The following MYO18B variants were observed in gnomAD, a reference collection of about 807,000 sequenced individuals.
The protein encoded by MYO18B is myosin XVIIIB, also known as unconventional myosin-XVIIIb.
In MYO18B, 204 loss-of-function variants were observed where a neutral mutation model predicts 273.0. That is an observed-to-expected ratio of 0.75 (90% CI 0.67 to 0.84). The LOEUF (loss-of-function observed/expected upper bound fraction) is 0.84. MYO18B is among the 40% of genes least tolerant of loss of function. The pLI, the probability that MYO18B is intolerant of heterozygous loss-of-function variation, is 0.00. For synonymous variants in MYO18B, 1,330 were observed against 1,305.7 expected, an observed-to-expected ratio of 1.02 and a Z score of -0.40; for missense variants, 3,212 against 3,287.6, an observed-to-expected ratio of 0.98 and a Z score of 0.56.
At chr22:26,045,115 A>T in the MYO18B span, among the ~76,000 whole-genome samples, 1 of 151,498 alleles carries the variant, frequency 6.6e-6, no homozygotes, top group Non-Finnish European at 1.5e-5. Context: ...TACACAGTAT[A>T]CCAGTTTTAA....
At chr22:26,054,564 G>A in the MYO18B span, among the ~76,000 whole-genome samples, 1 of 152,244 alleles carries the variant, frequency 6.6e-6, no homozygotes, top group Non-Finnish European at 1.5e-5. Flanking sequence ...AGCATGGGAT[G>A]AGGTGGAGTT....
At chr22:25,779,354 TTAAC>T (rs1483383082) in intron 8 of MYO18B, among the ~76,000 whole-genome samples, 1 of 152,234 alleles carries the variant, frequency 6.6e-6, no homozygotes, top group Non-Finnish European at 1.5e-5. Flanking sequence ...TATTAATGAA[TTAAC>T]TAGTTAATTA....
chr22:25,904,672 G>T (rs1456750061), intron 31 of MYO18B, among the ~76,000 whole-genome samples: 4 of 152,054 alleles, frequency 2.6e-5, no homozygotes, highest in African/African-American at 9.7e-5. Flanking sequence ...TTATTTGTCT[G>T]CTTGCTTATT....
chr22:25,917,509 C>T (rs2092278145), intron 33 of MYO18B, among the ~76,000 whole-genome samples: 2 of 147,166 alleles, frequency 1.4e-5, no homozygotes, highest in Admixed American at 1.3e-4. Flanking sequence ...AGTTTACCTG[C>T]AAGACTTTTT....
intron 1 of MYO18B, among the ~76,000 whole-genome samples, chr22:25,749,170 G>A (rs1190423031): frequency 5.3e-5 from 8 of 152,186 alleles, no homozygotes. Flanking sequence ...CCTACTGACT[G>A]TATCAGTCAA....
At position 25,794,141 on chromosome 22, in the gene MYO18B, C is replaced by G. The variant is rs987803938; in HGVS notation, c.2377-3812C>G. Among the ~76,000 whole-genome samples the G allele has an allele frequency of 2.6e-5, 4 of 151,900 alleles. No homozygotes were observed. In the South Asian group the frequency reaches 8.3e-4, roughly 32 times the overall value. On this transcript the variant is annotated intron_variant, in intron 11 of 43. Transcript: ENST00000335473. ...GTAGAGACGGGGTTTCACTGGTTAA[C>G]CAGGATGGTCTCGATCTCCTGACCT... is the stretch of plus-strand genomic sequence containing the variant.
At chr22:25,823,147 G>A (rs2089347119) in intron 12 of MYO18B, among the ~76,000 whole-genome samples, 1 of 152,138 alleles carries the variant, frequency 6.6e-6, no homozygotes, top group Non-Finnish European at 1.5e-5. Flanking sequence ...GGCTTGCAGG[G>A]GATAGTGCAT....
intron 22 of MYO18B, among the ~76,000 whole-genome samples, chr22:25,873,543 C>T (rs1419008558): frequency 1.3e-5 from 2 of 152,200 alleles, no homozygotes; most frequent in Non-Finnish European, 2.9e-5. Context: ...CGGGTTCAAG[C>T]GATTCTCCTG....
chr22:25,856,976 C>T (rs1412256466), intron 21 of MYO18B, among the ~76,000 whole-genome samples: 1 of 152,096 alleles, frequency 6.6e-6, no homozygotes, highest in East Asian at 1.9e-4. Context: ...GCAGTGTCCT[C>T]TTGCTGACCT....
chr22:25,957,912 C>CTT (rs1330432024), intron 39 of MYO18B, among the ~76,000 whole-genome samples: 36 of 128,894 alleles, frequency 2.8e-4, no homozygotes, highest in Admixed American at 9.2e-4. Flanking sequence ...AACGCTTTTG[C>CTT]TTTTTTTTTT....
At chr22:25,940,403 A>G (rs1226861172) in intron 34 of MYO18B, among the ~76,000 whole-genome samples, 5 of 152,182 alleles carry the variant, frequency 3.3e-5, no homozygotes, top group Non-Finnish European at 7.3e-5. Flanking sequence ...CTCCCCAGTC[A>G]TGTGGAACTG....
chr22:25,959,877 C>A (rs529873295), intron 39 of MYO18B, among the ~76,000 whole-genome samples: 2 of 152,248 alleles, frequency 1.3e-5, no homozygotes, highest in South Asian at 2.1e-4. Flanking sequence ...CCTTTCAACC[C>A]AACCTTGCTG....
chr22:25,929,051 A>G (rs2092460800), intron 34 of MYO18B, among the ~76,000 whole-genome samples: 1 of 151,524 alleles, frequency 6.6e-6, no homozygotes, highest in South Asian at 2.1e-4. Flanking sequence ...AATCCCAGCT[A>G]CTCAGGAGGC....
At chr22:25,942,677 C>A (rs555426151) in intron 34 of MYO18B, among the ~76,000 whole-genome samples, 1 of 152,268 alleles carries the variant, frequency 6.6e-6, no homozygotes, top group East Asian at 1.9e-4. Context: ...CACCTTTCTC[C>A]TAGAGGTGCT....
chr22:25,883,020 C>T lies in MYO18B; in HGVS notation c.4314+4972C>T, dbSNP rs758676307. ...AAAGCGAACCTCCTACTTCAGCCTC[C>T]CATGTAGCCAGGACCACAGGCGTGC... On this transcript the variant is annotated intron_variant, in intron 25 of 43. Transcript: ENST00000335473. The surrounding 1 kb of genome is among the most constrained non-coding windows in gnomAD (Gnocchi z 7.6). Among the ~76,000 whole-genome samples, 1 of 152,170 alleles carries T rather than the reference C, an allele frequency of 6.6e-6. No individual in the cohort carries two copies. The highest frequency in any genetic ancestry group is 1.5e-5 in the Non-Finnish European group (1 of 68,028).
intron 1 of MYO18B, among the ~76,000 whole-genome samples, chr22:25,757,637 T>C (rs1021386177): frequency 4.0e-5 from 6 of 151,652 alleles, no homozygotes; most frequent in Middle Eastern, 3.5e-3. Flanking sequence ...GTGGTTACTC[T>C]GGCAGCTGGG....
At chr22:25,841,442 C>T (rs1312406778) in intron 17 of MYO18B, among the ~76,000 whole-genome samples, 1 of 151,792 alleles carries the variant, frequency 6.6e-6, no homozygotes, top group African/African-American at 2.4e-5. Flanking sequence ...GTACTGTTTT[C>T]CAGGACATTG....
chr22:25,902,571 C>T (rs1218415963), intron 29 of MYO18B, 42 bp from the exon 30 acceptor site: 2 of 1,584,390 alleles, frequency 1.3e-6, no homozygotes, highest in African/African-American at 2.7e-5. Context: ...CTCCCCTGCC[C>T]ACCTGCCTAC....
At chr22:25,873,979 A>G (rs2091121077) in intron 22 of MYO18B, among the ~76,000 whole-genome samples, 1 of 152,212 alleles carries the variant, frequency 6.6e-6, no homozygotes, top group South Asian at 2.1e-4. Context: ...GTTAAAGTGC[A>G]GGTTCTGATT....
Sources: gnomAD v4.1 joint callset for allele counts (sites outside exome capture counted in the v4.1 genomes callset) on GRCh38, gnomAD v4.1.1 for gene constraint, Gnocchi (gnomAD v3.1) non-coding constraint, MANE v1.5 for transcripts, NCBI Gene and HGNC (gene_info 2026-07-23, HGNC 2026-07-21) for gene names.